Variants in GRK4 observed in about 807,000 individuals in gnomAD.
GRK4 encodes the protein G protein-coupled receptor kinase 4, also known as G protein-coupled receptor kinase 2-like.
GRK4 carries 73 observed loss-of-function variants against 77.9 expected under a neutral mutation model. That is an observed-to-expected ratio of 0.94 (90% CI 0.78 to 1.14). The LOEUF is 1.14. Ranked by LOEUF, GRK4 falls within the 50% of genes most tolerant of loss-of-function variation. The pLI is 0.00. For synonymous variants in GRK4, 257 were observed against 254.4 expected, an observed-to-expected ratio of 1.01 and a Z score of -0.10; for missense variants, 729 against 700.2, an observed-to-expected ratio of 1.04 and a Z score of -0.46.
Position 3,029,409 on chromosome 4 carries a change from G to T in GRK4, c.1269G>T (p.Met423Ile), listed in dbSNP as rs777904385. ...AGGATGCCAAATCTATCTGCAGGATGGTAAGTCAGGCTCTGTAGAGGCTGG... is the reference window on the plus strand; with the variant it reads ...AGGATGCCAAATCTATCTGCAGGATTGTAAGTCAGGCTCTGTAGAGGCTGG... ...FSEDAKSICR[M>I]LLTKNPSKRL... The change falls in exon 12 of 16, where the codon ATG becomes ATT. Residue 423 changes from methionine to isoleucine, a missense_variant and splice_region_variant. Transcript: ENST00000398052. 8.1e-6 allele frequency: 13 copies of T among 1,611,656 alleles called. No individual in the cohort carries two copies. In the East Asian group the frequency reaches 2.7e-4, roughly 33 times the overall value.
intron 1 of GRK4, among the ~76,000 whole-genome samples, chr4:2,981,744 A>G (rs950375057): frequency 1.3e-5 from 2 of 152,198 alleles, no homozygotes; most frequent in African/African-American, 4.8e-5. Flanking sequence ...GCTTCAGTCT[A>G]TCCCTGGCTT....
intron 13 of GRK4, among the ~76,000 whole-genome samples, chr4:3,037,155 A>G (rs753122287): frequency 6.6e-6 from 1 of 151,938 alleles, no homozygotes; most frequent in African/African-American, 2.4e-5. Context: ...AGACAGTACC[A>G]CAAAATTGGT....
At chr4:3,019,882 C>A in intron 9 of GRK4, 51 bp downstream of exon 9, 1 of 1,543,438 alleles carries the variant, frequency 6.5e-7, no homozygotes, top group Non-Finnish European at 8.8e-7. Flanking sequence ...GCCGGTTTCT[C>A]CCAGCCCTAG....
intron 2 of GRK4, among the ~76,000 whole-genome samples, chr4:2,986,045 T>C (rs1205958931): frequency 2.7e-5 from 4 of 150,564 alleles, no homozygotes; most frequent in Non-Finnish European, 4.4e-5. Context: ...CAATCATAAC[T>C]GTATTTTTTA....
intron 1 of GRK4, among the ~76,000 whole-genome samples, chr4:2,970,795 C>T (rs1290374331): frequency 6.6e-6 from 1 of 151,886 alleles, no homozygotes; most frequent in East Asian, 2.0e-4. Context: ...TCAGCCTCCC[C>T]AGCAGCTGGG....
chr4:2,989,042 C>T (rs374062439), intron 3 of GRK4, among the ~76,000 whole-genome samples: 9 of 152,180 alleles, frequency 5.9e-5, no homozygotes, highest in East Asian at 1.9e-4. Context: ...GTTAGCCGGG[C>T]GTGGTGGCGC....
intron 4 of GRK4, among the ~76,000 whole-genome samples, chr4:2,993,536 T>C (rs1726902734): frequency 6.6e-6 from 1 of 152,072 alleles, no homozygotes; most frequent in African/African-American, 2.4e-5. Context: ...TAGCCAGGCG[T>C]GGTGGTGCAT....
intron 12 of GRK4, 40 bp downstream of exon 12, chr4:3,029,449 C>T (rs1217367574): frequency 7.8e-6 from 12 of 1,539,318 alleles, no homozygotes; most frequent in Non-Finnish European, 9.9e-6. Flanking sequence ...TGGCACTTCT[C>T]ACTCATTCTA....
rs767250376 is a variant in GRK4, at chr4:3,009,666, C to A, written c.555C>A (p.Asn185Lys). The change falls in exon 7 of 16, where the codon AAC becomes AAA. Residue 185 changes from asparagine (N) to lysine (K), a missense_variant. Asn to Lys is a moderately conservative substitution (Grantham distance 94, BLOSUM62 0). Transcript: ENST00000398052. Reference sequence around the variant, plus strand: ...TGATTAGGCAACCCGTAACAAAGAACACATTTAGACATTACAGAGTTCTAG... The same window carrying A: ...TGATTAGGCAACCCGTAACAAAGAAAACATTTAGACATTACAGAGTTCTAG... ...KWLERQPVTKNTFRHYRVLGK... is the reference protein window; with the variant it reads ...KWLERQPVTKKTFRHYRVLGK... 6.2e-7 allele frequency: 1 copy of A among 1,613,492 alleles called. No homozygotes were observed. The highest frequency in any genetic ancestry group is 8.5e-7 in the Non-Finnish European group (1 of 1,179,608).
Position 3,027,830 on chromosome 4 carries a change from G to A in GRK4, c.971-82G>A, listed in dbSNP as rs1203271680. On this transcript the variant is annotated intron_variant, in intron 10 of 15. Transcript: ENST00000398052. Reference sequence around the variant, plus strand: ...ATTATTTCCAGCCATGGTTTTTGAGGGGCCTTTTTTCCCATTTTAATTGTT... The same window carrying A: ...ATTATTTCCAGCCATGGTTTTTGAGAGGCCTTTTTTCCCATTTTAATTGTT... 3.8e-5 allele frequency: 41 copies of A among 1,079,074 alleles called. No homozygotes were observed. The South Asian group carries it at 4.2e-4, about 11-fold the overall frequency. 66.8% of individuals were successfully genotyped at this position (1,079,074 alleles called of 1,614,324 possible).
chr4:2,979,892 T>C (rs1722374315), intron 1 of GRK4, among the ~76,000 whole-genome samples: 1 of 152,140 alleles, frequency 6.6e-6, no homozygotes, highest in African/African-American at 2.4e-5. Flanking sequence ...AAAAAAATGG[T>C]CCAGTGTACC....
At chr4:2,964,356 A>T (rs138994785) in intron 1 of GRK4, among the ~76,000 whole-genome samples, 162 of 151,618 alleles carry the variant, frequency 1.1e-3, no homozygotes, top group Non-Finnish European at 1.7e-3. Flanking sequence ...CAGATGAGAG[A>T]AGTCTGCGCT....
At chr4:3,016,348 C>T (rs974121598) in intron 8 of GRK4, among the ~76,000 whole-genome samples, 4 of 151,600 alleles carry the variant, frequency 2.6e-5, no homozygotes, top group Admixed American at 2.6e-4. Flanking sequence ...GAAACCCTGT[C>T]TCTAATAAAA....
chr4:2,989,053 G>A lies in GRK4; in HGVS notation c.261+214G>A, dbSNP rs149328862. On this transcript the variant is annotated intron_variant, in intron 3 of 15. Transcript: ENST00000398052. ...AAAAGTTAGCCGGGCGTGGTGGCGC[G>A]TGCCTGTAGTCCCAGCTACTTGGGA... Among the ~76,000 whole-genome samples, 1,409 of 152,160 alleles carry A rather than the reference G, an allele frequency of 9.3e-3. 24 individuals carry two copies. Among genetic ancestry groups the A allele is most frequent in the African/African-American group, 0.032 (1,320 of 41,520 alleles).
At chr4:2,998,284 G>T (rs1268877881) in intron 4 of GRK4, among the ~76,000 whole-genome samples, 2 of 152,022 alleles carry the variant, frequency 1.3e-5, no homozygotes, top group Admixed American at 6.6e-5. Flanking sequence ...TTGAACCCGG[G>T]AGGAGGAGGT....
Position 3,019,636 on chromosome 4 carries a change from T to G in GRK4, c.742-5T>G, listed in dbSNP as rs746120601. 6.2e-7 allele frequency: 1 copy of G among 1,604,360 alleles called. No homozygotes were observed. Among genetic ancestry groups the G allele is most frequent in the South Asian group, 1.1e-5 (1 of 89,900 alleles). ...GTTCTGTTTTTATGATGTTGCTGTC[T>G]TTAGGTTAGTTTAGCCTACGCTTAT... On this transcript the variant is annotated splice_polypyrimidine_tract_variant and splice_region_variant and intron_variant, in intron 8 of 15. Coordinates refer to ENST00000398052, the MANE Select transcript of GRK4 (RefSeq NM_182982.3).
intron 7 of GRK4, among the ~76,000 whole-genome samples, chr4:3,012,549 A>G (rs1312825265): frequency 6.6e-6 from 1 of 152,188 alleles, no homozygotes; most frequent in Non-Finnish European, 1.5e-5. Flanking sequence ...TATTTTATTG[A>G]TAGATAAAAT....
intron 11 of GRK4, among the ~76,000 whole-genome samples, chr4:3,028,594 G>A (rs1481680107): frequency 2.0e-5 from 3 of 152,206 alleles, no homozygotes; most frequent in African/African-American, 7.2e-5. Flanking sequence ...CATTTCCCTT[G>A]TGAATGTGAC....
At chr4:2,982,937 GA>G (rs1560372279) in intron 1 of GRK4, among the ~76,000 whole-genome samples, 1 of 152,194 alleles carries the variant, frequency 6.6e-6, no homozygotes, top group Non-Finnish European at 1.5e-5. Flanking sequence ...AATCTTAACA[GA>G]AAGAAAAAAT....
Sources: gnomAD v4.1 joint callset for allele counts (sites outside exome capture counted in the v4.1 genomes callset) on GRCh38, gnomAD v4.1.1 for gene constraint, MANE v1.5 for transcripts, NCBI Gene and HGNC (gene_info 2026-07-23, HGNC 2026-07-21) for gene names.